The following KIF6 variants were observed in gnomAD, a reference collection of about 807,000 sequenced individuals.
KIF6 encodes kinesin family member 6.
In KIF6, 106 loss-of-function variants were observed where a neutral mutation model predicts 112.7. The observed-to-expected ratio is 0.94, with a 90% CI of 0.80 to 1.11. KIF6 has a LOEUF of 1.11. Among genes scored for constraint, KIF6 ranks in the 50% least tolerant of loss-of-function variants. The probability of loss-of-function intolerance (pLI) is 0.00; values close to 1 mark genes in which losing one functional copy is unlikely to be tolerated. For synonymous variants in KIF6, 339 were observed against 339.9 expected, an observed-to-expected ratio of 1.00 and a Z score of 0.03; for missense variants, 929 against 964.0, an observed-to-expected ratio of 0.96 and a Z score of 0.48.
In KIF6 at chr6:39,539,096, T is replaced by C. The variant is rs542276904; in HGVS notation, c.1645+907A>G. Among the ~76,000 whole-genome samples the C allele has an allele frequency of 5.3e-3, 778 of 145,442 alleles. 6 individuals are homozygous for C. Among genetic ancestry groups the C allele is most frequent in the Non-Finnish European group, 9.2e-3 (612 of 66,202 alleles). ...GTGGGGGGAGGGGGGAGGGATAGCA[T>C]TGGGAGATATACCTAATGCTAAATG... is the stretch of plus-strand genomic sequence containing the variant. On this transcript the variant is annotated intron_variant, in intron 13 of 22. Transcript: ENST00000287152.
At chr6:39,470,637 G>C (rs1053485184) in intron 13 of KIF6, among the ~76,000 whole-genome samples, 3 of 152,070 alleles carry the variant, frequency 2.0e-5, no homozygotes, top group African/African-American at 7.3e-5. Context: ...ACATATTTTA[G>C]GGCAGGAAAG....
chr6:39,613,126 C>G (rs1783308335), intron 6 of KIF6, 63 bp downstream of exon 6: 6 of 1,281,784 alleles, frequency 4.7e-6, no homozygotes, highest in Non-Finnish European at 6.2e-6. Flanking sequence ...TTTTTTCTGC[C>G]TTGGCTTCAG....
At chr6:39,385,413 C>T (rs1030237197) in intron 16 of KIF6, among the ~76,000 whole-genome samples, 1 of 152,024 alleles carries the variant, frequency 6.6e-6, no homozygotes, top group East Asian at 1.9e-4. Context: ...GTGCTGGGTG[C>T]TGATGGCCAG....
chr6:39,705,134 A>G (rs1789122790), intron 3 of KIF6, among the ~76,000 whole-genome samples: 1 of 152,302 alleles, frequency 6.6e-6, no homozygotes. Context: ...TATCTGCATC[A>G]CCCCACAGCC....
At chr6:39,698,972 T>G (rs1288396569) in intron 3 of KIF6, among the ~76,000 whole-genome samples, 2 of 152,174 alleles carry the variant, frequency 1.3e-5, no homozygotes, top group East Asian at 3.8e-4. Flanking sequence ...CACCTTGCAG[T>G]TATGTGAATA....
intron 15 of KIF6, among the ~76,000 whole-genome samples, chr6:39,388,702 A>C (rs1767624556): frequency 6.6e-6 from 1 of 152,188 alleles, no homozygotes. Flanking sequence ...GGGATTGCAG[A>C]ATTCACTCAG....
intron 6 of KIF6, among the ~76,000 whole-genome samples, chr6:39,608,237 C>T (rs1783001826): frequency 6.6e-6 from 1 of 152,156 alleles, no homozygotes; most frequent in Non-Finnish European, 1.5e-5. Flanking sequence ...CGGTTTATGA[C>T]ATGGGGTTAT....
chr6:39,372,893 T>G (rs1206644434), intron 16 of KIF6, among the ~76,000 whole-genome samples: 1 of 152,212 alleles, frequency 6.6e-6, no homozygotes, highest in Non-Finnish European at 1.5e-5. Context: ...CTTGGTTTCC[T>G]GTTGGTTGTT....
rs78975723 is a variant in KIF6, at chr6:39,371,214, C to G, written c.1862-8696G>C. Among the ~76,000 whole-genome samples the G allele has an allele frequency of 9.4e-3, 1,429 of 152,258 alleles. 23 individuals carry two copies. Among genetic ancestry groups the G allele is most frequent in the African/African-American group, 0.032 (1,309 of 41,526 alleles). Reference sequence around the variant, plus strand: ...GCCTCTGAGCTCCTCTACCACAACACTTGACACTTACATTCTTTCTCACGG... The same window carrying G: ...GCCTCTGAGCTCCTCTACCACAACAGTTGACACTTACATTCTTTCTCACGG... On this transcript the variant is annotated intron_variant, in intron 16 of 22. Coordinates refer to ENST00000287152, the MANE Select transcript of KIF6 (RefSeq NM_145027.6).
At chr6:39,344,253 A>G (rs1763541771) in intron 21 of KIF6, among the ~76,000 whole-genome samples, 1 of 152,114 alleles carries the variant, frequency 6.6e-6, no homozygotes, top group African/African-American at 2.4e-5. Flanking sequence ...GCCACCATGT[A>G]AGACGTGCCT....
chr6:39,395,950 A>G lies in KIF6; in HGVS notation c.1811-10278T>C, dbSNP rs576384345. Among the ~76,000 whole-genome samples the G allele has an allele frequency of 8.3e-4, 127 of 152,314 alleles. 5 individuals are homozygous for G. The South Asian group carries it at 0.026, about 31-fold the overall frequency. On this transcript the variant is annotated intron_variant, in intron 15 of 22. Coordinates refer to ENST00000287152, the MANE Select transcript of KIF6 (RefSeq NM_145027.6). The stretch of plus-strand genomic sequence containing the variant: ...AAGTTTTACATGGCTCTTTGATATA[A>G]ATAATCAACTCTTTCACTCCAAAAT...
At chr6:39,427,403 T>C (rs1770847740) in intron 14 of KIF6, among the ~76,000 whole-genome samples, 1 of 152,210 alleles carries the variant, frequency 6.6e-6, no homozygotes, top group South Asian at 2.1e-4. Context: ...TACAAGAACA[T>C]TTTTCTTATT....
At chr6:39,693,381 T>C (rs1477399632) in intron 3 of KIF6, among the ~76,000 whole-genome samples, 2 of 152,212 alleles carry the variant, frequency 1.3e-5, no homozygotes, top group African/African-American at 4.8e-5. Context: ...CAGATTTTAA[T>C]TGGGTACACT....
chr6:39,681,510 A>G (rs760745189), intron 3 of KIF6, among the ~76,000 whole-genome samples: 9 of 152,196 alleles, frequency 5.9e-5, no homozygotes, highest in Admixed American at 1.3e-4. Context: ...TTGTCAACAA[A>G]TCATAATTGC....
At chr6:39,585,332 G>A (rs182323757) in intron 8 of KIF6, among the ~76,000 whole-genome samples, 15 of 152,198 alleles carry the variant, frequency 9.9e-5, no homozygotes, top group Non-Finnish European at 2.1e-4. Context: ...TCACAATTGG[G>A]TTCACGCTCT....
intron 10 of KIF6, among the ~76,000 whole-genome samples, chr6:39,553,168 C>T (rs897257582): frequency 6.6e-6 from 1 of 152,160 alleles, no homozygotes; most frequent in Non-Finnish European, 1.5e-5. Context: ...TAGTGAAAGA[C>T]ATGGACCCTT....
chr6:39,596,033 A>G (rs144818076), intron 7 of KIF6, 21 bp downstream of exon 7: 2 of 1,587,872 alleles, frequency 1.3e-6, no homozygotes, highest in Non-Finnish European at 1.7e-6. Context: ...TTATTAATAC[A>G]TCCCACTCTG....
At chr6:39,355,377 G>A (rs548388866) in intron 19 of KIF6, among the ~76,000 whole-genome samples, 3 of 151,912 alleles carry the variant, frequency 2.0e-5, no homozygotes, top group Non-Finnish European at 4.4e-5. Flanking sequence ...CAGCCAGATT[G>A]GAGGATCTGG....
At chr6:39,432,101 T>C (rs1394700986) in intron 13 of KIF6, among the ~76,000 whole-genome samples, 1 of 152,202 alleles carries the variant, frequency 6.6e-6, no homozygotes, top group Non-Finnish European at 1.5e-5. Context: ...TCCTTATCAA[T>C]ACACCTATAA....
Sources: gnomAD v4.1 joint callset for allele counts (sites outside exome capture counted in the v4.1 genomes callset) on GRCh38, gnomAD v4.1.1 for gene constraint, MANE v1.5 for transcripts, NCBI Gene and HGNC (gene_info 2026-07-23, HGNC 2026-07-21) for gene names.